The following ZNF541 variants were observed in gnomAD, a reference collection of about 807,000 sequenced individuals.
ZNF541 encodes zinc finger protein 541.
ZNF541 carries 23 observed loss-of-function variants against 123.5 expected under a neutral mutation model. The observed-to-expected ratio is 0.19, with a 90% confidence interval of 0.13 to 0.26. ZNF541 has a LOEUF of 0.26. Among genes scored for constraint, ZNF541 ranks in the 10% least tolerant of loss-of-function variants. ZNF541 has a pLI of 1.00. For missense variants in ZNF541, 1,612 were observed against 1,789.9 expected (o/e 0.90, Z 1.79); for synonymous variants, 751 against 754.5 (o/e 1.00, Z 0.08).
At chr19:47,562,911 G>A (rs118020030) in intron 2 of ZNF541, among the ~76,000 whole-genome samples, 13 of 152,220 alleles carry the variant, frequency 8.5e-5, no homozygotes, top group Non-Finnish European at 1.2e-4. Flanking sequence ...TCCATTTGGG[G>A]GCTATTGTGA....
chr19:47,545,038 G>A lies in ZNF541; in HGVS notation c.1491C>T (p.Asp497=), dbSNP rs1263754565. Residue 497 remains aspartate (D), a synonymous_variant, in exon 5 of 17, where the codon GAC becomes GAT. Coordinates refer to ENST00000391901, the MANE Select transcript of ZNF541 (RefSeq NM_001277075.3). This position sits in a 1 kb window ranked among gnomAD's most constrained non-coding sequence, Gnocchi z 7.5. ...CCTTGACCTTCTTGGGGGCGCAGGG[G>A]TCATCTTCCCCGCTGGCCGACCTGG... ...SDPRSASGED[D]PCAPKKVKVD... The A allele has an allele frequency of 1.6e-5, 24 of 1,487,204 alleles. No individual in the cohort carries two copies. The highest frequency in any genetic ancestry group is 4.2e-5 in the African/African-American group (3 of 71,208). The allele number at this position is 1,487,204 out of a possible 1,614,324, so 92.1% of individuals were successfully genotyped here.
chr19:47,547,217 T>C (rs1970394018), intron 4 of ZNF541, among the ~76,000 whole-genome samples: 1 of 152,164 alleles, frequency 6.6e-6, no homozygotes, highest in African/African-American at 2.4e-5. Flanking sequence ...CAAAGGAATC[T>C]GTGCCTTACC....
Position 47,520,963 on chromosome 19 carries a change from G to T in ZNF541, c.*261C>A. 1 of 453,932 alleles carries T rather than the reference G, an allele frequency of 2.2e-6. No homozygotes were observed. Among genetic ancestry groups the T allele is most frequent in the East Asian group, 3.6e-5 (1 of 28,120 alleles). 28.1% of individuals were successfully genotyped at this position (453,932 alleles called of 1,614,324 possible). On this transcript the variant is annotated 3_prime_UTR_variant, in exon 17 of 17. Coordinates refer to ENST00000391901, the MANE Select transcript of ZNF541 (RefSeq NM_001277075.3). ...CTCCCCAAGCCTCCCTGCTCTAGAAGTGGAAGGGAAAGAAGGGGAGAGACT... is the reference window on the plus strand; with the variant it reads ...CTCCCCAAGCCTCCCTGCTCTAGAATTGGAAGGGAAAGAAGGGGAGAGACT...
chr19:47,524,559 T>G (rs1157602270), intron 14 of ZNF541, among the ~76,000 whole-genome samples: 2 of 151,444 alleles, frequency 1.3e-5, no homozygotes, highest in Non-Finnish European at 2.9e-5. Flanking sequence ...TACAAAAAAT[T>G]TAGCCGGGTG....
At chr19:47,554,322 T>A (rs1251361010) in intron 3 of ZNF541, among the ~76,000 whole-genome samples, 1 of 152,050 alleles carries the variant, frequency 6.6e-6, no homozygotes, top group Admixed American at 6.6e-5. Context: ...TCCCAGCTAC[T>A]CAGGAGGCTG....
chr19:47,545,444 G>T lies in ZNF541; in HGVS notation c.1085C>A (p.Ala362Asp). The T allele has an allele frequency of 6.8e-7, 1 of 1,476,724 alleles. No individual in the cohort carries two copies. The highest frequency in any genetic ancestry group is 9.0e-7 in the Non-Finnish European group (1 of 1,111,412). The allele number at this position is 1,476,724 out of a possible 1,614,324, so 91.5% of individuals were successfully genotyped here. Reference protein sequence around the residue: ...APNSRAAENGAPDPPEPEPDT... With the variant: ...APNSRAAENGDPDPPEPEPDT... The stretch of plus-strand genomic sequence containing the variant: ...TGGCTCCGGCTCTGGCGGGTCGGGG[G>T]CGCCGTTCTCGGCGGCCCTGGAATT... The change falls in exon 5 of 17, where the codon GCC becomes GAC. Residue 362 changes from alanine to aspartate, a missense_variant. Ala to Asp is a moderately radical substitution (Grantham distance 126, BLOSUM62 -2). Transcript: ENST00000391901. The surrounding 1 kb of genome is among the most constrained non-coding windows in gnomAD (Gnocchi z 7.5).
At chr19:47,561,684 C>G (rs150190629) in intron 2 of ZNF541, among the ~76,000 whole-genome samples, 1 of 151,576 alleles carries the variant, frequency 6.6e-6, no homozygotes, top group Non-Finnish European at 1.5e-5. Flanking sequence ...GCTGCAACTA[C>G]TGGGAGCTTT....
chr19:47,526,635 T>C (rs1230178280), intron 14 of ZNF541, among the ~76,000 whole-genome samples: 1 of 152,178 alleles, frequency 6.6e-6, no homozygotes, highest in Non-Finnish European at 1.5e-5. Context: ...CACAATGCGA[T>C]GCCACCACAC....
chr19:47,545,538 C>T lies in ZNF541; in HGVS notation c.991G>A (p.Asp331Asn), dbSNP rs1233615784. 7 of 1,529,342 alleles carry T rather than the reference C, an allele frequency of 4.6e-6. No homozygotes were observed. The highest frequency in any genetic ancestry group is 1.2e-5 in the South Asian group (1 of 81,068). 94.7% of individuals were successfully genotyped at this position (1,529,342 alleles called of 1,614,324 possible). Residue 331 changes from aspartate (D) to asparagine (N), a missense_variant, in exon 5 of 17, where the codon GAC becomes AAC. Asp to Asn is a conservative substitution (Grantham distance 23). Around this residue, in one of 5 missense-constraint regions of ZNF541, gnomAD observed 1,080 missense variants for 1,013.8 expected, o/e 1.07. Transcript: ENST00000391901. The surrounding 1 kb of genome is among the most constrained non-coding windows in gnomAD (Gnocchi z 7.5). ...CAAGGCTCCTCGGGAAGCTCGGTGT[C>T]CAGCGCTGCTGGGGCCGCGTGGGGG... is the stretch of plus-strand genomic sequence containing the variant. ...AGPHAAPAAL[D>N]TELPEEPCLP...
rs550936074 is a variant in ZNF541, at chr19:47,534,421, C to T, written c.3095-1449G>A. On this transcript the variant is annotated intron_variant, in intron 9 of 16. Transcript: ENST00000391901. ...ATCCCAGCACTTTGGGAGGCCGAGG[C>T]GGGCGGATCACCTGAAGTCAGGAGT... is the stretch of plus-strand genomic sequence containing the variant. Among the ~76,000 whole-genome samples the T allele has an allele frequency of 6.6e-5, 10 of 152,178 alleles. 1 individual carries two copies. In the South Asian group the frequency reaches 8.3e-4, roughly 13 times the overall value.
rs1969907088 is a variant in ZNF541 at position 47,538,123 on chromosome 19, G to A, written c.3094+19C>T. ...AATCCACCCTGGGATCACAGAGTGA[G>A]TGCCCCAGCCTCACTCACCGAGCAT... On this transcript the variant is annotated intron_variant, in intron 9 of 16. Coordinates refer to ENST00000391901, the MANE Select transcript of ZNF541 (RefSeq NM_001277075.3). 6.5e-7 allele frequency: 1 copy of A among 1,549,404 alleles called. No homozygotes were observed. Among genetic ancestry groups the A allele is most frequent in the Non-Finnish European group, 8.7e-7 (1 of 1,146,804 alleles).
intron 2 of ZNF541, among the ~76,000 whole-genome samples, chr19:47,565,322 A>G (rs1971220986): frequency 6.6e-6 from 1 of 152,182 alleles, no homozygotes; most frequent in African/African-American, 2.4e-5. Flanking sequence ...AAACTAAAAA[A>G]AGAAAAAAGA....
At position 47,544,501 on chromosome 19, in the gene ZNF541, C is replaced by T; in HGVS notation, c.2028G>A (p.Leu676=). The change falls in exon 5 of 17, where the codon CTG becomes CTA. Residue 676 remains leucine, a synonymous_variant. Coordinates refer to ENST00000391901, the MANE Select transcript of ZNF541 (RefSeq NM_001277075.3). ...DPSRNPDISS[L]AKQLRSSKGT... is the part of the protein sequence containing the mutation. ...CTTTAGAGGATCGCAGCTGCTTGGC[C>T]AGAGAAGAGATGTCTGGATTCCTGG... 1 of 1,551,686 alleles carries T rather than the reference C, an allele frequency of 6.4e-7. No homozygotes were observed. The highest frequency in any genetic ancestry group is 8.7e-7 in the Non-Finnish European group (1 of 1,147,006).
chr19:47,523,338 TTAA>T (rs1353664709), intron 14 of ZNF541, among the ~76,000 whole-genome samples: 5 of 118,150 alleles, frequency 4.2e-5, no homozygotes, highest in African/African-American at 2.5e-4. Flanking sequence ...AGCGTCTCTT[TTAA>T]AAAAAAAAAA....
chr19:47,538,827 G>T (rs943022936), intron 8 of ZNF541, among the ~76,000 whole-genome samples: 2 of 152,154 alleles, frequency 1.3e-5, no homozygotes, highest in East Asian at 3.8e-4. Context: ...TCAGGTCCAC[G>T]GACTGTGTCC....
In ZNF541 at chr19:47,555,655, G is replaced by C. The variant is rs1430579059; in HGVS notation, c.202C>G (p.Leu68Val). Residue 68 changes from leucine to valine, a missense_variant, in exon 3 of 17, where the codon CTG (leucine) becomes GTG (valine). By Grantham distance (32) the Leu-to-Val change is conservative. Around this residue, in one of 5 missense-constraint regions of ZNF541, gnomAD observed 212 missense variants for 289.6 expected, o/e 0.73. Transcript: ENST00000391901. ...LPTPDMSSEV[L>V]EDNLDTLSLY... ...GACAAGGTGTCTAAGTTGTCCTCCAGCACCTCGCTGGACATGTCAGGCGTT... is the reference window on the plus strand; with the variant it reads ...GACAAGGTGTCTAAGTTGTCCTCCACCACCTCGCTGGACATGTCAGGCGTT... 1 of 1,551,578 alleles carries C rather than the reference G, an allele frequency of 6.4e-7. No homozygotes were observed. The highest frequency in any genetic ancestry group is 8.7e-7 in the Non-Finnish European group (1 of 1,147,008).
At chr19:47,526,496 A>AAAAAAAAAAAAAAAAAAAG (rs573697191) in intron 14 of ZNF541, among the ~76,000 whole-genome samples, 5 of 137,358 alleles carry the variant, frequency 3.6e-5, no homozygotes, top group African/African-American at 8.9e-5. Context: ...AAAAAAAAAA[A>AAAAAAAAAAAAAAAAAAAG]AAAAGAAAAC....
chr19:47,540,072 A>C (rs1970011693), intron 7 of ZNF541, 104 bp downstream of exon 7: 4 of 1,451,598 alleles, frequency 2.8e-6, no homozygotes, highest in Non-Finnish European at 3.6e-6. Context: ...CCCCCGACCC[A>C]GAGTGACGTC....
intron 4 of ZNF541, among the ~76,000 whole-genome samples, chr19:47,548,602 T>C (rs1353238275): frequency 5.9e-5 from 9 of 152,108 alleles, no homozygotes; most frequent in African/African-American, 9.7e-5. Context: ...ACTCAGGACA[T>C]AGCTCTATAA....
Sources: allele counts gnomAD v4.1 joint callset (sites outside exome capture counted in the v4.1 genomes callset), GRCh38; gene constraint gnomAD v4.1.1; regional missense constraint gnomAD v4.1.1; non-coding constraint Gnocchi (gnomAD v3.1); transcripts MANE v1.5; gene names NCBI Gene and HGNC (gene_info 2026-07-23, HGNC 2026-07-21).